GRK5: variants seen among roughly 807,000 people sequenced by gnomAD.
The protein encoded by GRK5 is G protein-coupled receptor kinase 5.
In GRK5, 40 loss-of-function variants were observed where a neutral mutation model predicts 78.4. That is an observed-to-expected ratio of 0.51 (90% CI 0.40 to 0.66). The LOEUF is 0.66. Among genes scored for constraint, GRK5 ranks in the 30% least tolerant of loss-of-function variants. The probability of loss-of-function intolerance (pLI) is 0.00; values close to 1 mark genes in which losing one functional copy is unlikely to be tolerated. For missense variants in GRK5, 598 were observed against 759.9 expected (o/e 0.79, Z 2.50); for synonymous variants, 289 against 296.8 (o/e 0.97, Z 0.27).
intron 3 of GRK5, among the ~76,000 whole-genome samples, chr10:119,384,920 G>C (rs1353203797): frequency 6.6e-6 from 1 of 152,238 alleles, no homozygotes; most frequent in African/African-American, 2.4e-5. Flanking sequence ...AAGGAGGTTG[G>C]GAGTTTGGAT....
At chr10:119,304,786 A>G (rs1480192950) in intron 1 of GRK5, among the ~76,000 whole-genome samples, 2 of 152,210 alleles carry the variant, frequency 1.3e-5, no homozygotes, top group African/African-American at 2.4e-5. Flanking sequence ...GACCCCATGC[A>G]GTCCCCACCC....
Position 119,257,232 on chromosome 10 carries a change from G to C in GRK5, c.52+49263G>C, listed in dbSNP as rs1304684816. On this transcript the variant is annotated intron_variant, in intron 1 of 15. Coordinates refer to ENST00000392870, the MANE Select transcript of GRK5 (RefSeq NM_005308.3). ...TTTTAATTTCTCTAATGGAAACTTT[G>C]GTCAGTGTTCTCCACCTGTAGGCTG... Among the ~76,000 whole-genome samples the C allele has an allele frequency of 2.0e-5, 3 of 152,134 alleles. No individual in the cohort carries two copies. In the East Asian group the frequency reaches 5.8e-4, roughly 29 times the overall value.
At chr10:119,433,934 A>G (rs927886313) in intron 8 of GRK5, among the ~76,000 whole-genome samples, 2 of 152,202 alleles carry the variant, frequency 1.3e-5, no homozygotes, top group African/African-American at 4.8e-5. Context: ...AAGAGGTTTG[A>G]TGGACTTATG....
At chr10:119,346,464 T>C (rs935910122) in intron 2 of GRK5, among the ~76,000 whole-genome samples, 2 of 152,208 alleles carry the variant, frequency 1.3e-5, no homozygotes, top group East Asian at 1.9e-4. Flanking sequence ...AAAAGCCCCA[T>C]GGGGCCAGGT....
In GRK5 at chr10:119,207,879, G is replaced by A. The variant is rs369362370; in HGVS notation, c.-39G>A. ...AGCGGCAGCACCCCAGGCGCTGACAGCCCCGCCGGCCGGCTCCGTTGCTGA... is the reference window on the plus strand; with the variant it reads ...AGCGGCAGCACCCCAGGCGCTGACAACCCCGCCGGCCGGCTCCGTTGCTGA... On this transcript the variant is annotated 5_prime_UTR_variant, in exon 1 of 16. Coordinates refer to ENST00000392870, the MANE Select transcript of GRK5 (RefSeq NM_005308.3). 389 of 1,571,146 alleles carry A rather than the reference G, an allele frequency of 2.5e-4. 3 individuals are homozygous for A. The East Asian group carries it at 8.9e-3, about 36-fold the overall frequency.
chr10:119,403,510 G>T (rs1440798219), intron 4 of GRK5, among the ~76,000 whole-genome samples: 3 of 152,212 alleles, frequency 2.0e-5, no homozygotes, highest in Non-Finnish European at 2.9e-5. Flanking sequence ...CATCCACATT[G>T]TAACATGTAT....
intron 3 of GRK5, among the ~76,000 whole-genome samples, chr10:119,386,323 A>C (rs1427141096): frequency 6.6e-6 from 1 of 152,218 alleles, no homozygotes; most frequent in Non-Finnish European, 1.5e-5. Context: ...CCATTTGGAA[A>C]AGAGGAGGCA....
intron 2 of GRK5, among the ~76,000 whole-genome samples, chr10:119,362,907 C>A (rs1200952622): frequency 6.6e-6 from 1 of 151,974 alleles, no homozygotes; most frequent in Non-Finnish European, 1.5e-5. Flanking sequence ...CCCTTATTGG[C>A]AGCCTATGCT....
chr10:119,443,940 C>T (rs1853091674), intron 12 of GRK5, among the ~76,000 whole-genome samples, 188 bp downstream of exon 12: 1 of 152,076 alleles, frequency 6.6e-6, no homozygotes, highest in African/African-American at 2.4e-5. Context: ...TCAGCGGAGA[C>T]TTCCAGGAGA....
intron 2 of GRK5, among the ~76,000 whole-genome samples, chr10:119,328,789 C>T (rs534944398): frequency 2.0e-5 from 3 of 152,356 alleles, no homozygotes; most frequent in South Asian, 2.1e-4. Context: ...CCTGGCAGGG[C>T]GGTGCTTCCC....
chr10:119,321,565 C>G (rs554825376), intron 1 of GRK5, among the ~76,000 whole-genome samples: 160 of 152,340 alleles, frequency 1.1e-3, no homozygotes, highest in African/African-American at 3.6e-3. Context: ...CTCCCTCTTC[C>G]ACATTTTAGG....
At chr10:119,423,298 C>G (rs1205594610) in intron 5 of GRK5, 32 bp downstream of exon 5, 2 of 1,498,534 alleles carry the variant, frequency 1.3e-6, no homozygotes, top group Admixed American at 3.3e-5. Flanking sequence ...CCTGTCCTCC[C>G]CGGGCTGCCC....
At chr10:119,408,144 C>T (rs943736096) in intron 4 of GRK5, among the ~76,000 whole-genome samples, 8 of 92,404 alleles carry the variant, frequency 8.7e-5, no homozygotes, top group African/African-American at 3.0e-4. Flanking sequence ...GCCTAGGCAA[C>T]AAGAGTGAAA....
At chr10:119,441,158 G>A (rs1853026656) in intron 10 of GRK5, among the ~76,000 whole-genome samples, 2 of 152,238 alleles carry the variant, frequency 1.3e-5, no homozygotes, top group African/African-American at 2.4e-5. Context: ...GATGTGCCCG[G>A]TGCCTCCCTT....
chr10:119,282,217 G>A (rs562818011), intron 1 of GRK5, among the ~76,000 whole-genome samples: 1 of 152,288 alleles, frequency 6.6e-6, no homozygotes, highest in Admixed American at 6.5e-5. Flanking sequence ...AATTACTTTA[G>A]TATCGTGAGT....
chr10:119,324,607 G>A (rs1231879733), intron 1 of GRK5, among the ~76,000 whole-genome samples: 2 of 152,156 alleles, frequency 1.3e-5, no homozygotes, highest in African/African-American at 4.8e-5. Flanking sequence ...TCCATCCTGG[G>A]TGACAGAGTG....
At chr10:119,233,043 T>G (rs1364004445) in intron 1 of GRK5, among the ~76,000 whole-genome samples, 1 of 152,246 alleles carries the variant, frequency 6.6e-6, no homozygotes, top group African/African-American at 2.4e-5. Flanking sequence ...TGGGGAAAGG[T>G]GTCAGCTTGG....
chr10:119,255,699 G>A (rs1849272242), intron 1 of GRK5, among the ~76,000 whole-genome samples: 1 of 152,236 alleles, frequency 6.6e-6, no homozygotes, highest in African/African-American at 2.4e-5. Flanking sequence ...CTGTCCTGGT[G>A]TGTTTTCTGC....
At chr10:119,419,855 G>A (rs1164947873) in intron 4 of GRK5, among the ~76,000 whole-genome samples, 3 of 152,212 alleles carry the variant, frequency 2.0e-5, no homozygotes, top group Non-Finnish European at 2.9e-5. Context: ...TCTCTGAGCC[G>A]TGGGGCTCAT....
Sources: allele counts gnomAD v4.1 joint callset (sites outside exome capture counted in the v4.1 genomes callset), GRCh38; gene constraint gnomAD v4.1.1; transcripts MANE v1.5; gene names NCBI Gene and HGNC (gene_info 2026-07-23, HGNC 2026-07-21).